The following CADM2 variants were observed in gnomAD, a reference collection of about 807,000 sequenced individuals.
CADM2 encodes the protein immunoglobulin superfamily member 4D.
CADM2 carries 12 observed loss-of-function variants against 49.8 expected under a neutral mutation model. The ratio of observed to expected loss-of-function variants is 0.24; its 90% confidence interval spans 0.15 to 0.39. The LOEUF (loss-of-function observed/expected upper bound fraction) is 0.39, where lower values mean the gene tolerates loss of function less well. Ranked by LOEUF, CADM2 falls within the 10% of genes least tolerant of loss-of-function variation. CADM2 has a pLI of 1.00. For synonymous variants in CADM2, 214 were observed against 175.4 expected, an observed-to-expected ratio of 1.22 and a Z score of -1.74; for missense variants, 378 against 492.3, an observed-to-expected ratio of 0.77 and a Z score of 2.20.
chr3:85,537,620 TC>T, intron 1 of CADM2, among the ~76,000 whole-genome samples: 1 of 42,458 alleles, frequency 2.4e-5, no homozygotes, highest in African/African-American at 3.8e-5. Context: ...ATTTAACATG[TC>T]ATGACTATTT....
chr3:85,796,091 G>C (rs570031453), intron 2 of CADM2, among the ~76,000 whole-genome samples: 1 of 152,178 alleles, frequency 6.6e-6, no homozygotes, highest in Non-Finnish European at 1.5e-5. Flanking sequence ...ATTTAAAGAA[G>C]CAAACAGTCT....
intron 1 of CADM2, among the ~76,000 whole-genome samples, chr3:84,986,611 G>A (rs1490831594): frequency 2.0e-5 from 3 of 151,860 alleles, no homozygotes; most frequent in Non-Finnish European, 4.4e-5. Context: ...TGTGGGGTGG[G>A]GGGAGCGGGG....
chr3:85,226,885 C>T (rs554478490), intron 1 of CADM2, among the ~76,000 whole-genome samples: 166 of 152,216 alleles, frequency 1.1e-3, no homozygotes, highest in African/African-American at 3.5e-3. Flanking sequence ...TCATTATTTA[C>T]GCAGTAGTCA....
intron 1 of CADM2, among the ~76,000 whole-genome samples, chr3:85,593,938 A>G (rs2063176613): frequency 1.3e-5 from 2 of 152,002 alleles, no homozygotes; most frequent in South Asian, 2.1e-4. Flanking sequence ...ACAAATTAAT[A>G]TAGGTTAATT....
Position 85,901,891 on chromosome 3 carries a change from A to G in CADM2, c.530-10482A>G, listed in dbSNP as rs1716175092. Among the ~76,000 whole-genome samples, 3 of 151,410 alleles carry G rather than the reference A, an allele frequency of 2.0e-5. No individual in the cohort carries two copies. The South Asian group carries it at 6.2e-4, about 31-fold the overall frequency. On this transcript the variant is annotated intron_variant, in intron 5 of 9. Transcript: ENST00000383699. ...GTGGACATTTCATCTACAAAAATATATATTATGTGTTTTTTGTGATTAGCT... is the reference window on the plus strand; with the variant it reads ...GTGGACATTTCATCTACAAAAATATGTATTATGTGTTTTTTGTGATTAGCT...
chr3:85,594,854 T>A (rs2063199787), intron 1 of CADM2, among the ~76,000 whole-genome samples: 1 of 152,046 alleles, frequency 6.6e-6, no homozygotes, highest in Non-Finnish European at 1.5e-5. Flanking sequence ...ACATTAGCTA[T>A]GCTTAAAGTG....
chr3:85,662,393 A>G (rs1333627084), intron 1 of CADM2, among the ~76,000 whole-genome samples: 1 of 151,992 alleles, frequency 6.6e-6, no homozygotes, highest in African/African-American at 2.4e-5. Context: ...CACTAAAATG[A>G]TATCTTTGCC....
At chr3:85,636,897 A>T (rs2064504490) in intron 1 of CADM2, among the ~76,000 whole-genome samples, 1 of 152,136 alleles carries the variant, frequency 6.6e-6, no homozygotes, top group African/African-American at 2.4e-5. Context: ...CTGTAAGTAC[A>T]CTCTATGATG....
chr3:86,055,600 G>A (rs1204986628), intron 8 of CADM2, among the ~76,000 whole-genome samples: 1 of 151,752 alleles, frequency 6.6e-6, no homozygotes, highest in Non-Finnish European at 1.5e-5. Flanking sequence ...CTGAGTAGCT[G>A]AGATTACAAG....
intron 8 of CADM2, among the ~76,000 whole-genome samples, chr3:86,047,425 T>G (rs2107297485): frequency 6.6e-6 from 1 of 152,288 alleles, no homozygotes; most frequent in African/African-American, 2.4e-5. Flanking sequence ...GTAATTACAC[T>G]GGACCTTTGA....
intron 1 of CADM2, among the ~76,000 whole-genome samples, chr3:85,496,534 C>G (rs144505787): frequency 6.6e-6 from 1 of 152,186 alleles, no homozygotes; most frequent in Non-Finnish European, 1.5e-5. Flanking sequence ...GTAGAATGAT[C>G]TATTTTCCTA....
chr3:85,326,716 C>G (rs757948526), intron 1 of CADM2, among the ~76,000 whole-genome samples: 1 of 152,154 alleles, frequency 6.6e-6, no homozygotes, highest in Non-Finnish European at 1.5e-5. Context: ...CATGAACCCC[C>G]ACCCTGCACA....
chr3:86,009,445 A>C (rs1731220816), intron 8 of CADM2, among the ~76,000 whole-genome samples: 1 of 151,572 alleles, frequency 6.6e-6, no homozygotes, highest in Non-Finnish European at 1.5e-5. Context: ...TTTAGGAAGA[A>C]GATCACTTAT....
intron 1 of CADM2, among the ~76,000 whole-genome samples, chr3:85,565,794 C>G (rs1393284273): frequency 6.6e-6 from 1 of 151,924 alleles, no homozygotes. Flanking sequence ...CAGAGTAGTA[C>G]AGAAAATTAA....
chr3:85,360,453 C>A (rs1442612374), intron 1 of CADM2, among the ~76,000 whole-genome samples: 2 of 152,096 alleles, frequency 1.3e-5, no homozygotes, highest in African/African-American at 2.4e-5. Context: ...TCAGAATTTT[C>A]TTTCTTATTT....
At chr3:85,308,118 G>A (rs2044257508) in intron 1 of CADM2, among the ~76,000 whole-genome samples, 1 of 151,688 alleles carries the variant, frequency 6.6e-6, no homozygotes, top group South Asian at 2.1e-4. Flanking sequence ...TCTGTTAGTT[G>A]CTTTAAAATT....
chr3:85,486,910 C>T (rs887662081), intron 1 of CADM2, among the ~76,000 whole-genome samples: 2 of 151,532 alleles, frequency 1.3e-5, no homozygotes, highest in Admixed American at 6.6e-5. Flanking sequence ...TAAGTTTTAC[C>T]TTTGAATATA....
chr3:85,645,502 T>C (rs2064857012), intron 1 of CADM2, among the ~76,000 whole-genome samples: 1 of 151,970 alleles, frequency 6.6e-6, no homozygotes, highest in Non-Finnish European at 1.5e-5. Context: ...TAAATTTGCT[T>C]TTACTGGTCT....
At chr3:86,008,107 T>C (rs528465247) in intron 8 of CADM2, among the ~76,000 whole-genome samples, 4 of 151,830 alleles carry the variant, frequency 2.6e-5, no homozygotes, top group South Asian at 2.1e-4. Flanking sequence ...TGTAAGCTAA[T>C]TTGACATGTG....
Sources: allele counts gnomAD v4.1 joint callset (sites outside exome capture counted in the v4.1 genomes callset), GRCh38; gene constraint gnomAD v4.1.1; transcripts MANE v1.5; gene names NCBI Gene and HGNC (gene_info 2026-07-23, HGNC 2026-07-21).